HS3ST4: variants seen among roughly 807,000 people sequenced by gnomAD.
The protein encoded by HS3ST4 is heparan sulfate-glucosamine 3-sulfotransferase 4.
A neutral mutation model predicts 29.2 loss-of-function variants in HS3ST4; 17 were observed. The observed-to-expected ratio is 0.58, with a 90% CI of 0.40 to 0.87. HS3ST4 has a LOEUF of 0.87. Among genes scored for constraint, HS3ST4 ranks in the 40% least tolerant of loss-of-function variants. The pLI, the probability that HS3ST4 is intolerant of heterozygous loss-of-function variation, is 0.00. For missense variants in HS3ST4, 627 were observed against 634.5 expected (o/e 0.99, Z 0.13); for synonymous variants, 314 against 285.7 (o/e 1.10, Z -1.00).
intron 1 of HS3ST4, among the ~76,000 whole-genome samples, chr16:25,883,145 A>ATTTTTT (rs10581302): frequency 1.4e-5 from 2 of 142,062 alleles, no homozygotes; most frequent in Middle Eastern, 3.6e-3. Flanking sequence ...GGCCCATACG[A>ATTTTTT]TTTTTTTTTT....
intron 1 of HS3ST4, among the ~76,000 whole-genome samples, chr16:26,055,928 C>T (rs1047840253): frequency 2.0e-5 from 3 of 151,980 alleles, no homozygotes; most frequent in African/African-American, 7.3e-5. Context: ...TTACAGGGTT[C>T]GGGCTCACTG....
chr16:26,124,689 C>T (rs995530653), intron 1 of HS3ST4, among the ~76,000 whole-genome samples: 2 of 152,172 alleles, frequency 1.3e-5, no homozygotes, highest in Non-Finnish European at 2.9e-5. Context: ...TCCAACAAGC[C>T]AGTTTCTCTT....
chr16:25,874,838 T>G (rs1459186314), intron 1 of HS3ST4, among the ~76,000 whole-genome samples: 1 of 152,170 alleles, frequency 6.6e-6, no homozygotes, highest in Non-Finnish European at 1.5e-5. Flanking sequence ...AGTTTTGGAT[T>G]CAAATCCTGG....
At chr16:25,988,449 A>G (rs1231771644) in intron 1 of HS3ST4, among the ~76,000 whole-genome samples, 1 of 152,184 alleles carries the variant, frequency 6.6e-6, no homozygotes, top group Admixed American at 6.5e-5. Flanking sequence ...TTTCTACTGC[A>G]TAGACTCATT....
intron 1 of HS3ST4, among the ~76,000 whole-genome samples, chr16:25,814,014 A>T (rs1021909071): frequency 6.6e-6 from 1 of 152,204 alleles, no homozygotes; most frequent in African/African-American, 2.4e-5. Context: ...ACCCAAAAAG[A>T]TAGTTACAGC....
intron 1 of HS3ST4, among the ~76,000 whole-genome samples, chr16:25,771,023 G>A (rs533682324): frequency 6.6e-6 from 1 of 152,060 alleles, no homozygotes; most frequent in East Asian, 1.9e-4. Context: ...TGCAGAACAT[G>A]CAGGTTTGTT....
intron 1 of HS3ST4, among the ~76,000 whole-genome samples, chr16:26,067,532 T>C (rs1898556597): frequency 1.5e-5 from 2 of 131,434 alleles, no homozygotes; most frequent in Admixed American, 8.1e-5. Context: ...CTGTGCCACC[T>C]CACTGATTCT....
At chr16:25,950,247 G>T (rs564805002) in intron 1 of HS3ST4, among the ~76,000 whole-genome samples, 1 of 151,952 alleles carries the variant, frequency 6.6e-6, no homozygotes, top group Non-Finnish European at 1.5e-5. Flanking sequence ...CTTTGGCCTG[G>T]GTCTTCATCT....
chr16:25,830,895 C>T (rs1225456308), intron 1 of HS3ST4, among the ~76,000 whole-genome samples: 1 of 152,118 alleles, frequency 6.6e-6, no homozygotes, highest in Non-Finnish European at 1.5e-5. Context: ...CAGAATGTGC[C>T]AATGCCTTGT....
intron 1 of HS3ST4, among the ~76,000 whole-genome samples, chr16:25,958,572 C>A (rs1357035051): frequency 2.6e-5 from 4 of 152,192 alleles, no homozygotes; most frequent in Non-Finnish European, 5.9e-5. Context: ...CTCAGGTGAT[C>A]CACCTTCCTT....
chr16:25,944,396 A>C (rs976578395), intron 1 of HS3ST4, among the ~76,000 whole-genome samples: 1 of 152,218 alleles, frequency 6.6e-6, no homozygotes, highest in Admixed American at 6.5e-5. Flanking sequence ...GAATGTTGCC[A>C]CCTGCACATG....
At chr16:26,087,304 G>A (rs1186822179) in intron 1 of HS3ST4, among the ~76,000 whole-genome samples, 1 of 152,188 alleles carries the variant, frequency 6.6e-6, no homozygotes, top group Non-Finnish European at 1.5e-5. Flanking sequence ...ATCTGGACTT[G>A]GTTAGAGCAA....
chr16:25,929,062 C>G (rs1968438459), intron 1 of HS3ST4, among the ~76,000 whole-genome samples: 1 of 152,138 alleles, frequency 6.6e-6, no homozygotes, highest in South Asian at 2.1e-4. Context: ...GAAAGCAACC[C>G]TGTTTGGCAG....
intron 1 of HS3ST4, among the ~76,000 whole-genome samples, chr16:25,726,299 G>A (rs1283657470): frequency 1.3e-5 from 2 of 151,972 alleles, no homozygotes; most frequent in African/African-American, 4.8e-5. Context: ...AAGTGGGTAC[G>A]AAACACGTCC....
At chr16:25,949,300 T>C (rs1349082589) in intron 1 of HS3ST4, among the ~76,000 whole-genome samples, 1 of 152,134 alleles carries the variant, frequency 6.6e-6, no homozygotes, top group African/African-American at 2.4e-5. Flanking sequence ...AAATACTAGG[T>C]CTTATTCATT....
chr16:25,905,385 G>A (rs2141675620), intron 1 of HS3ST4, among the ~76,000 whole-genome samples: 1 of 152,244 alleles, frequency 6.6e-6, no homozygotes, highest in African/African-American at 2.4e-5. Context: ...TGAAAAGAGG[G>A]GGTTCTGCAT....
chr16:26,016,662 G>A (rs180819157), intron 1 of HS3ST4, among the ~76,000 whole-genome samples: 10 of 152,276 alleles, frequency 6.6e-5, no homozygotes, highest in Non-Finnish European at 1.5e-4. Flanking sequence ...TGAAGATATA[G>A]CAAGTCTTCT....
At chr16:26,008,355 C>A (rs1969277150) in intron 1 of HS3ST4, among the ~76,000 whole-genome samples, 1 of 152,152 alleles carries the variant, frequency 6.6e-6, no homozygotes, top group Non-Finnish European at 1.5e-5. Flanking sequence ...TTCACATCCA[C>A]TGAGGCTCCC....
chr16:25,951,783 A>G (rs981042233), intron 1 of HS3ST4, among the ~76,000 whole-genome samples: 1 of 152,132 alleles, frequency 6.6e-6, no homozygotes, highest in African/African-American at 2.4e-5. Context: ...TTTCCCAGAC[A>G]CTTTTCTAGA....
Sources: allele counts gnomAD v4.1 joint callset (sites outside exome capture counted in the v4.1 genomes callset), GRCh38; gene constraint gnomAD v4.1.1; transcripts MANE v1.5; gene names NCBI Gene and HGNC (gene_info 2026-07-23, HGNC 2026-07-21).